ABCC9: variants seen among roughly 807,000 people sequenced by gnomAD.
ABCC9 encodes the protein ATP-binding cassette sub-family C member 9.
Under a neutral mutation model 188.3 loss-of-function variants are expected in ABCC9, and 95 were observed. That is an observed-to-expected ratio of 0.50 (90% CI 0.43 to 0.60). ABCC9 has a LOEUF of 0.60. Ranked by LOEUF, ABCC9 falls within the 20% of genes least tolerant of loss-of-function variation. The probability of loss-of-function intolerance (pLI) is 0.00; values close to 1 mark genes in which losing one functional copy is unlikely to be tolerated. For synonymous variants in ABCC9, 659 were observed against 652.7 expected, an observed-to-expected ratio of 1.01 and a Z score of -0.15; for missense variants, 1,102 against 1,876.3, an observed-to-expected ratio of 0.59 and a Z score of 7.62.
chr12:21,889,138 T>G (rs1947021740), intron 14 of ABCC9, among the ~76,000 whole-genome samples: 1 of 152,206 alleles, frequency 6.6e-6, no homozygotes, highest in Non-Finnish European at 1.5e-5. Flanking sequence ...GATCTTTAAG[T>G]GTTTTGGCTT....
At chr12:21,904,105 A>G (rs1947912206) in intron 12 of ABCC9, among the ~76,000 whole-genome samples, 1 of 152,210 alleles carries the variant, frequency 6.6e-6, no homozygotes, top group Non-Finnish European at 1.5e-5. Context: ...AACAGAACAG[A>G]GCCCTCAGAA....
chr12:21,896,538 G>A (rs1275980762), intron 12 of ABCC9, among the ~76,000 whole-genome samples: 1 of 152,062 alleles, frequency 6.6e-6, no homozygotes, highest in East Asian at 1.9e-4. Flanking sequence ...CACCTATTAA[G>A]CCCAGATGCA....
In ABCC9 at chr12:21,866,401, C is replaced by T. The variant is rs942902834; in HGVS notation, c.2199-1924G>A. Among the ~76,000 whole-genome samples, 5 of 152,186 alleles carry T rather than the reference C, an allele frequency of 3.3e-5. No homozygotes were observed. The East Asian group carries it at 9.6e-4, about 29-fold the overall frequency. The stretch of plus-strand genomic sequence containing the variant: ...CATAAAAGAAATCCTTTGCCAACCT[C>T]ACAGATTTGACTCAGTCAAGTCACC... On this transcript the variant is annotated intron_variant, in intron 18 of 39. Coordinates refer to ENST00000261200, the MANE Select transcript of ABCC9 (RefSeq NM_020297.4).
rs778849288 is a variant in ABCC9 at position 21,829,038 on chromosome 12, G to A, written c.3589C>T (p.Arg1197Cys). Residue 1197 changes from arginine to cysteine, a missense_variant, in exon 31 of 40, where the codon CGT (arginine) becomes TGT (cysteine). By Grantham distance (180) the Arg-to-Cys change is radical. Around this residue, in one of 12 missense-constraint regions of ABCC9, gnomAD observed 143 missense variants for 225.6 expected, o/e 0.63. Coordinates refer to ENST00000261200, the MANE Select transcript of ABCC9 (RefSeq NM_020297.4). ...TTTGTATCCGTCAGTTCCAGCATAC[G>A]TTGTTTAAATCTGGTTTCATGCCTG... is the stretch of plus-strand genomic sequence containing the variant. ...AFRHETRFKQ[R>C]MLELTDTNNI... The A allele has an allele frequency of 3.1e-5, 50 of 1,613,664 alleles. No individual in the cohort carries two copies. In the East Asian group the frequency reaches 7.4e-4, roughly 24 times the overall value.
chr12:21,894,160 A>G lies in ABCC9; in HGVS notation c.1674T>C (p.His558=), dbSNP rs1274940649. The G allele has an allele frequency of 6.2e-7, 1 of 1,613,940 alleles. No individual in the cohort carries two copies. Among genetic ancestry groups the G allele is most frequent in the African/African-American group, 1.3e-5 (1 of 74,916 alleles). Residue 558 remains histidine (H), a synonymous_variant, in exon 14 of 40, where the codon CAT becomes CAC. Transcript: ENST00000261200. ...IAAVLATFVT[H]AYASGNNLKP... Reference sequence around the variant, plus strand: ...TCAGATTGTTTCCACTGGCATACGCATGGGTCACAAATGTCTGTGCAAAGA... The same window carrying G: ...TCAGATTGTTTCCACTGGCATACGCGTGGGTCACAAATGTCTGTGCAAAGA...
chr12:21,924,113 G>A (rs1948953172), intron 5 of ABCC9: 1 of 341,720 alleles, frequency 2.9e-6, no homozygotes, highest in African/African-American at 2.1e-5. Context: ...AGGTGAAATT[G>A]AGTATAAGAA....
At chr12:21,930,107 G>T (rs1490070736) in intron 4 of ABCC9, among the ~76,000 whole-genome samples, 3 of 151,428 alleles carry the variant, frequency 2.0e-5, no homozygotes, top group Non-Finnish European at 2.9e-5. Context: ...GCAATAGTTT[G>T]CTGAGAATGA....
chr12:21,895,199 C>G, intron 13 of ABCC9, 76 bp downstream of exon 13: 1 of 1,271,118 alleles, frequency 7.9e-7, no homozygotes. Context: ...ATATTACTAC[C>G]CACACATTCT....
At chr12:21,927,882 C>T (rs1332036974) in intron 4 of ABCC9, among the ~76,000 whole-genome samples, 1 of 152,118 alleles carries the variant, frequency 6.6e-6, no homozygotes, top group African/African-American at 2.4e-5. Flanking sequence ...TTTGTCAGTA[C>T]AGAAATTAGG....
In ABCC9 at chr12:21,844,879, C is replaced by A. The variant is rs1456377742; in HGVS notation, c.3133G>T (p.Ala1045Ser). 1 of 1,613,870 alleles carries A rather than the reference C, an allele frequency of 6.2e-7. No individual in the cohort carries two copies. Among genetic ancestry groups the A allele is most frequent in the Non-Finnish European group, 8.5e-7 (1 of 1,179,852 alleles). The stretch of plus-strand genomic sequence containing the variant: ...GTAACAAGGCAAAGGAAAATGCCTG[C>A]TCCACAGAGTATGCTAAAGCCAGCC... ...YVAGFSILCG[A>S]GIFLCLVTSL... Residue 1045 changes from alanine to serine, a missense_variant, in exon 27 of 40, where the codon GCA becomes TCA. Ala to Ser is a moderately conservative substitution (Grantham distance 99). Coordinates refer to ENST00000261200, the MANE Select transcript of ABCC9 (RefSeq NM_020297.4).
intron 4 of ABCC9, among the ~76,000 whole-genome samples, chr12:21,926,894 A>G (rs1045092921): frequency 3.9e-5 from 6 of 152,228 alleles, no homozygotes; most frequent in Non-Finnish European, 8.8e-5. Flanking sequence ...CCTCAACTCC[A>G]TTGGCATTAA....
chr12:21,913,687 G>C (rs1033155134), intron 7 of ABCC9, among the ~76,000 whole-genome samples: 17 of 152,210 alleles, frequency 1.1e-4, no homozygotes, highest in African/African-American at 4.1e-4. Flanking sequence ...ATGAAGAACA[G>C]CATTTATACT....
At chr12:21,862,872 C>T in intron 20 of ABCC9, 81 bp downstream of exon 20, 2 of 931,750 alleles carry the variant, frequency 2.1e-6, no homozygotes, top group Non-Finnish European at 3.5e-6. Context: ...GTAAAGGTTC[C>T]AGAAACCATT....
chr12:21,841,918 A>T lies in ABCC9; in HGVS notation c.3473+396T>A, dbSNP rs545618172. On this transcript the variant is annotated intron_variant, in intron 29 of 39. Transcript: ENST00000261200. ...AATTCCACATCTTATCTTGAAAAAC[A>T]CTACAGCAAATGTAGATCACAGTAA... Among the ~76,000 whole-genome samples the T allele has an allele frequency of 1.3e-4, 20 of 152,328 alleles. No individual in the cohort carries two copies. The South Asian group carries it at 4.1e-3, about 32-fold the overall frequency.
At chr12:21,925,411 C>T (rs1376012817) in intron 5 of ABCC9, 1 of 663,152 alleles carries the variant, frequency 1.5e-6, no homozygotes, top group East Asian at 2.8e-5. Flanking sequence ...GCAGCTGCTC[C>T]TCAGGACAGC....
At chr12:21,933,419 A>G (rs541873327) in intron 4 of ABCC9, among the ~76,000 whole-genome samples, 1 of 152,106 alleles carries the variant, frequency 6.6e-6, no homozygotes, top group East Asian at 1.9e-4. Flanking sequence ...CTTGATTTTA[A>G]AAGTTTTGTG....
At chr12:21,834,828 G>C (rs942878525) in intron 30 of ABCC9, among the ~76,000 whole-genome samples, 6 of 103,008 alleles carry the variant, frequency 5.8e-5, no homozygotes, top group East Asian at 5.8e-4. Flanking sequence ...CACACACACA[G>C]TGCGCACATG....
At chr12:21,864,695 A>G (rs1029404785) in intron 18 of ABCC9, among the ~76,000 whole-genome samples, 1 of 152,144 alleles carries the variant, frequency 6.6e-6, no homozygotes, top group Admixed American at 6.6e-5. Flanking sequence ...CTTCTAAAAC[A>G]TAGATAGCAC....
intron 8 of ABCC9, among the ~76,000 whole-genome samples, chr12:21,911,933 G>C (rs1691622905): frequency 2.0e-5 from 3 of 151,700 alleles, no homozygotes; most frequent in African/African-American, 7.3e-5. Flanking sequence ...GCTAAGCATT[G>C]TGAACACAAA....
Sources: gnomAD v4.1 joint callset for allele counts (sites outside exome capture counted in the v4.1 genomes callset) on GRCh38, gnomAD v4.1.1 for gene constraint, gnomAD v4.1.1 regional missense constraint, MANE v1.5 for transcripts, NCBI Gene and HGNC (gene_info 2026-07-23, HGNC 2026-07-21) for gene names.